The following PCM1 variants were observed in gnomAD, a reference collection of about 807,000 sequenced individuals.
The protein encoded by PCM1 is pericentriolar material 1 protein.
Under a neutral mutation model 241.9 loss-of-function variants are expected in PCM1, and 157 were observed. The observed-to-expected ratio is 0.65, with a 90% CI of 0.57 to 0.74. The LOEUF is 0.74. Ranked by LOEUF, PCM1 falls within the 30% of genes least tolerant of loss-of-function variation. The pLI is 0.00. For synonymous variants in PCM1, 1,085 were observed against 784.9 expected, an observed-to-expected ratio of 1.38 and a Z score of -6.39; for missense variants, 3,478 against 2,360.1, an observed-to-expected ratio of 1.47 and a Z score of -9.81.
intron 2 of PCM1, chr8:17,927,124 A>ATTTTTTTTTTTTTTTTTTTTTTTTTT (rs77247841): frequency 9.2e-5 from 12 of 130,430 alleles, no homozygotes; most frequent in South Asian, 2.5e-4. Context: ...GATCACTTTG[A>ATTTTTTTTTTTTTTTTTTTTTTTTTT]TTTTTTTTTT....
In PCM1 at chr8:18,029,064, T is replaced by C. The variant is rs1277081020; in HGVS notation, c.*1402T>C. The C allele has an allele frequency of 2.4e-5, 4 of 166,818 alleles. No individual in the cohort carries two copies. The allele number at this position is 166,818 out of a possible 1,614,324, so 10.3% of individuals were successfully genotyped here. A position where few individuals can be genotyped will look rare whatever the true frequency, so the allele number is the denominator to read the frequency against. Reference sequence around the variant, plus strand: ...TACTTGGGAGGCTAAGGCAGGAGAATAGCCTGAACCCGGGAGGTGGAGGTT... The same window carrying C: ...TACTTGGGAGGCTAAGGCAGGAGAACAGCCTGAACCCGGGAGGTGGAGGTT... On this transcript the variant is annotated 3_prime_UTR_variant, in exon 39 of 39. Coordinates refer to ENST00000325083, the MANE Select transcript of PCM1 (RefSeq NM_006197.4).
chr8:17,926,032 CAG>C (rs780484536), intron 2 of PCM1: 4 of 148,940 alleles, frequency 2.7e-5, no homozygotes, highest in South Asian at 2.1e-4. Flanking sequence ...ACTAACAAAA[CAG>C]GGCAAGAAAA....
intron 10 of PCM1, 31 bp downstream of exon 10, chr8:17,955,684 A>G (rs1306792088): frequency 6.6e-7 from 1 of 1,514,842 alleles, no homozygotes; most frequent in Non-Finnish European, 9.2e-7. Context: ...GTTTACATGA[A>G]GTTAAATAAT....
intron 29 of PCM1, chr8:18,006,054 T>A (rs1467897136): frequency 2.3e-6 from 1 of 438,174 alleles, no homozygotes; most frequent in Admixed American, 3.9e-5. Flanking sequence ...TCTGCTTTCG[T>A]GGGTCAAAAT....
chr8:17,952,070 A>G (rs890297551), intron 8 of PCM1, among the ~76,000 whole-genome samples: 1 of 152,222 alleles, frequency 6.6e-6, no homozygotes, highest in Non-Finnish European at 1.5e-5. Context: ...TAAAAATGCA[A>G]AAATGAGCCA....
intron 23 of PCM1, among the ~76,000 whole-genome samples, chr8:17,977,103 A>C (rs1467180247): frequency 6.6e-6 from 1 of 152,194 alleles, no homozygotes; most frequent in African/African-American, 2.4e-5. Flanking sequence ...ACTTATATAA[A>C]TGTTCATGTT....
chr8:18,018,168 A>G lies in PCM1; in HGVS notation c.5841+3328A>G, dbSNP rs397500. Among the ~76,000 whole-genome samples, 643 of 152,324 alleles carry G rather than the reference A, an allele frequency of 4.2e-3. 5 individuals carry two copies. The highest frequency in any genetic ancestry group is 0.018 in the South Asian group (89 of 4,826). On this transcript the variant is annotated intron_variant, in intron 36 of 38. Coordinates refer to ENST00000325083, the MANE Select transcript of PCM1 (RefSeq NM_006197.4). ...TCAGAAAAGCATGCCTTCCTACAAT[A>G]TGACACTAAATTGAGAGGGCACTTA...
intron 23 of PCM1, among the ~76,000 whole-genome samples, chr8:17,976,088 C>T (rs1002359881): frequency 6.6e-6 from 1 of 152,166 alleles, no homozygotes; most frequent in Non-Finnish European, 1.5e-5. Flanking sequence ...CTTCCTTCCT[C>T]CCTTTCCTGT....
At chr8:17,964,340 A>G (rs1563981366) in intron 17 of PCM1, among the ~76,000 whole-genome samples, 1 of 152,184 alleles carries the variant, frequency 6.6e-6, no homozygotes, top group African/African-American at 2.4e-5. Flanking sequence ...GGATATGATG[A>G]TTATTTAAAT....
At chr8:18,026,163 CTGAAACAAAAAAAA>C (rs1236088742) in intron 38 of PCM1, among the ~76,000 whole-genome samples, 26 of 53,672 alleles carry the variant, frequency 4.8e-4, no homozygotes, top group African/African-American at 9.3e-4. Context: ...GACTCCCTCT[CTGAAACAAAAAAAA>C]AAAAAAAAAA....
chr8:17,953,952 A>G (rs1175820224), intron 9 of PCM1, among the ~76,000 whole-genome samples: 1 of 152,088 alleles, frequency 6.6e-6, no homozygotes, highest in Non-Finnish European at 1.5e-5. Flanking sequence ...AAATAACAAA[A>G]CCATTGTCTC....
At chr8:18,009,137 A>G (rs1372261645) in intron 30 of PCM1, among the ~76,000 whole-genome samples, 1 of 151,944 alleles carries the variant, frequency 6.6e-6, no homozygotes, top group African/African-American at 2.4e-5. Context: ...TCTTAAGTAA[A>G]GGTGGAAGCT....
intron 29 of PCM1, among the ~76,000 whole-genome samples, chr8:17,996,460 A>C (rs1391476271): frequency 6.6e-6 from 1 of 151,928 alleles, no homozygotes; most frequent in East Asian, 1.9e-4. Flanking sequence ...CTCCTTTTTC[A>C]TCTCTGATAT....
intron 2 of PCM1, among the ~76,000 whole-genome samples, chr8:17,931,224 C>G (rs1453780088): frequency 6.6e-6 from 1 of 151,968 alleles, no homozygotes; most frequent in African/African-American, 2.4e-5. Context: ...TTGGAACAAG[C>G]TCTGCATTTT....
At chr8:18,023,668 G>C (rs1308814797) in intron 36 of PCM1, among the ~76,000 whole-genome samples, 1 of 152,154 alleles carries the variant, frequency 6.6e-6, no homozygotes, top group African/African-American at 2.4e-5. Context: ...TATTCAGTTG[G>C]TTAAATTTTA....
At chr8:18,016,246 A>C (rs967432812) in intron 36 of PCM1, among the ~76,000 whole-genome samples, 2 of 151,624 alleles carry the variant, frequency 1.3e-5, no homozygotes, top group African/African-American at 4.8e-5. Flanking sequence ...CAGTAACTAG[A>C]CTGGGTCCAG....
At chr8:17,959,489 T>C (rs1174172250) in intron 13 of PCM1, among the ~76,000 whole-genome samples, 2 of 152,132 alleles carry the variant, frequency 1.3e-5, no homozygotes, top group African/African-American at 2.4e-5. Flanking sequence ...CAAGCTTTTG[T>C]GCATTTGTGT....
At chr8:17,940,351 A>C (rs1349338635) in intron 6 of PCM1, among the ~76,000 whole-genome samples, 2 of 152,226 alleles carry the variant, frequency 1.3e-5, no homozygotes, top group African/African-American at 2.4e-5. Context: ...TAACACTAAA[A>C]ATAGTTTTAA....
At chr8:18,022,665 A>G (rs1157127629) in intron 36 of PCM1, among the ~76,000 whole-genome samples, 1 of 152,214 alleles carries the variant, frequency 6.6e-6, no homozygotes, top group African/African-American at 2.4e-5. Context: ...GAAAACCTTA[A>G]TGGAACTGGG....
Sources: gnomAD v4.1 joint callset for allele counts (sites outside exome capture counted in the v4.1 genomes callset) on GRCh38, gnomAD v4.1.1 for gene constraint, MANE v1.5 for transcripts, NCBI Gene and HGNC (gene_info 2026-07-23, HGNC 2026-07-21) for gene names.